The following ADH5 variants were observed in gnomAD, a reference collection of about 807,000 sequenced individuals.
The protein encoded by ADH5 is alcohol dehydrogenase class-3.
In ADH5, 32 loss-of-function variants were observed where a neutral mutation model predicts 40.3. The ratio of observed to expected loss-of-function variants is 0.79; its 90% CI spans 0.60 to 1.07. The LOEUF (loss-of-function observed/expected upper bound fraction) is 1.07. Among genes scored for constraint, ADH5 ranks in the 50% least tolerant of loss-of-function variants. ADH5 has a pLI of 0.00. For synonymous variants in ADH5, 125 were observed against 154.3 expected, an observed-to-expected ratio of 0.81 and a Z score of 1.41; for missense variants, 353 against 460.5, an observed-to-expected ratio of 0.77 and a Z score of 2.14.
At chr4:99,079,646 A>T (rs1010856855) in intron 4 of ADH5, among the ~76,000 whole-genome samples, 54 of 142,934 alleles carry the variant, frequency 3.8e-4, no homozygotes, top group African/African-American at 6.7e-4. Context: ...ACTTCAATTA[A>T]AAAAAAAAAC....
At position 99,072,507 on chromosome 4, in the gene ADH5, C is replaced by T. The variant is rs55919327; in HGVS notation, c.1100+66G>A. On this transcript the variant is annotated intron_variant, in intron 8 of 8. Coordinates refer to ENST00000296412, the MANE Select transcript of ADH5 (RefSeq NM_000671.4). ...TTAAGACAACTAAAATTGTGTTTTT[C>T]GACTCTCCATCCCCTCAAACTCAAC... is the stretch of plus-strand genomic sequence containing the variant. 3.5e-5 allele frequency: 56 copies of T among 1,608,720 alleles called. No individual in the cohort carries two copies. The East Asian group carries it at 6.9e-4, about 20-fold the overall frequency.
At position 99,076,357 on chromosome 4, in the gene ADH5, G is replaced by A. The variant is rs1223276357; in HGVS notation, c.760C>T (p.Leu254Phe). Residue 254 changes from leucine (L) to phenylalanine (F), a missense_variant, in exon 6 of 9, where the codon CTC becomes TTC. Physicochemically the swap from Leu to Phe is conservative, Grantham distance 22 (BLOSUM62 0). Transcript: ENST00000296412. The part of the protein sequence containing the change: ...QDFSKPIQEV[L>F]IEMTDGGVDY... ...ACTCCTCCATCGGTCATCTCAATGA[G>A]CACTTCCTGGATGGGTTTACTAAAA... 1.9e-6 allele frequency: 3 copies of A among 1,614,016 alleles called. No homozygotes were observed. Among genetic ancestry groups the A allele is most frequent in the Non-Finnish European group, 2.5e-6 (3 of 1,180,028 alleles).
At chr4:99,088,581 G>C in intron 1 of ADH5, 108 bp downstream of exon 1, 1 of 1,208,396 alleles carries the variant, frequency 8.3e-7, no homozygotes, top group Non-Finnish European at 1.1e-6. Flanking sequence ...CCAAGAGCCA[G>C]ATCCCGTCTT....
At chr4:99,077,190 C>A (rs1727946366) in intron 4 of ADH5, among the ~76,000 whole-genome samples, 1 of 152,102 alleles carries the variant, frequency 6.6e-6, no homozygotes, top group African/African-American at 2.4e-5. Flanking sequence ...TTAAAAGGTA[C>A]AACTTATGGA....
chr4:99,081,706 A>G lies in ADH5; in HGVS notation c.257-254T>C. 5.5e-6 allele frequency: 3 copies of G among 549,070 alleles called. No homozygotes were observed. The Admixed American group carries it at 9.9e-5, about 18-fold the overall frequency. The allele number at this position is 549,070 out of a possible 1,614,324, so 34.0% of individuals were successfully genotyped here. A position where few individuals can be genotyped will look rare whatever the true frequency, so the allele number is the denominator to read the frequency against. On this transcript the variant is annotated intron_variant, in intron 3 of 8. Coordinates refer to ENST00000296412, the MANE Select transcript of ADH5 (RefSeq NM_000671.4). ...GTTATATGCTTCAAAATCCTGCTTCATTGATGCATCTCTAAAAATTCTTGC... is the reference window on the plus strand; with the variant it reads ...GTTATATGCTTCAAAATCCTGCTTCGTTGATGCATCTCTAAAAATTCTTGC...
chr4:99,083,402 T>C, intron 2 of ADH5, among the ~76,000 whole-genome samples: 1 of 151,606 alleles, frequency 6.6e-6, no homozygotes, highest in Non-Finnish European at 1.5e-5. Flanking sequence ...TAGTTGGAGA[T>C]CAGCCTGGCC....
intron 7 of ADH5, among the ~76,000 whole-genome samples, chr4:99,074,657 A>G (rs1314742868): frequency 6.6e-6 from 1 of 151,244 alleles, no homozygotes; most frequent in Non-Finnish European, 1.5e-5. Flanking sequence ...CAGAATATTG[A>G]TATTTTTCTT....
At chr4:99,080,540 C>A in intron 4 of ADH5, 1 of 152,844 alleles carries the variant, frequency 6.5e-6, no homozygotes, top group Non-Finnish European at 1.5e-5. Context: ...AGGCAGACAC[C>A]CCTTGAGAGC....
rs1728036551 is a variant in ADH5, at chr4:99,082,088, T to C, written c.143A>G (p.Asp48Gly). 1 of 1,613,720 alleles carries C rather than the reference T, an allele frequency of 6.2e-7. No homozygotes were observed. The highest frequency in any genetic ancestry group is 8.5e-7 in the Non-Finnish European group (1 of 1,179,792). The change falls in exon 3 of 9, where the codon GAT becomes GGT. Residue 48 changes from aspartate (D) to glycine (G), a missense_variant. By Grantham distance (94) the Asp-to-Gly change is moderately conservative. Coordinates refer to ENST00000296412, the MANE Select transcript of ADH5 (RefSeq NM_000671.4). ...KIIATAVCHTDAYTLSGADPE... is the reference protein window; with the variant it reads ...KIIATAVCHTGAYTLSGADPE... ...ATCAGCTCCACTCAGGGTATAGGCA[T>C]CGGTGTGGCAAACCGCAGTGGCAAT...
chr4:99,081,233 C>A, intron 4 of ADH5, 132 bp downstream of exon 4: 1 of 670,698 alleles, frequency 1.5e-6, no homozygotes, highest in South Asian at 1.7e-5. Context: ...GGACTCAGTC[C>A]TTTGAACGTT....
chr4:99,072,274 G>A lies in ADH5; in HGVS notation c.*143C>T, dbSNP rs1727848434. The A allele has an allele frequency of 1.5e-6, 1 of 653,158 alleles. No individual in the cohort carries two copies. The highest frequency in any genetic ancestry group is 1.8e-5 in the African/African-American group (1 of 54,320). 40.5% of individuals were successfully genotyped at this position (653,158 alleles called of 1,614,324 possible). A position where few individuals can be genotyped will look rare whatever the true frequency, so the allele number is the denominator to read the frequency against. On this transcript the variant is annotated 3_prime_UTR_variant, in exon 9 of 9. Transcript: ENST00000296412. ...AATTATCCTTGTCCTTGATTATAGA[G>A]ATTCATGAATGACACACATAACCCT...
chr4:99,086,315 G>C (rs13109048), intron 1 of ADH5, among the ~76,000 whole-genome samples: 9,908 of 152,108 alleles, frequency 0.065, 432 homozygotes, highest in Non-Finnish European at 0.1. Flanking sequence ...AGAGATTATA[G>C]TCATGTATAC....
intron 4 of ADH5, among the ~76,000 whole-genome samples, chr4:99,078,504 T>G (rs757579858): frequency 1.3e-5 from 2 of 152,104 alleles, no homozygotes; most frequent in Non-Finnish European, 1.5e-5. Context: ...CCAGGGCTCG[T>G]GATCCTCCCA....
chr4:99,073,218 G>A (rs752514395), intron 7 of ADH5, among the ~76,000 whole-genome samples: 4 of 152,300 alleles, frequency 2.6e-5, no homozygotes, highest in South Asian at 2.1e-4. Flanking sequence ...TCGCTCTATC[G>A]CCTAGGCTGG....
chr4:99,076,565 A>T lies in ADH5; in HGVS notation c.565-13T>A, dbSNP rs749341990. 1.7e-5 allele frequency: 27 copies of T among 1,609,414 alleles called. No homozygotes were observed. In the East Asian group the frequency reaches 5.8e-4, roughly 35 times the overall value. On this transcript the variant is annotated splice_polypyrimidine_tract_variant and intron_variant, in intron 5 of 8. Transcript: ENST00000296412. The stretch of plus-strand genomic sequence containing the variant: ...AGCCAGGCTCCAACTAGGAGTAAAG[A>T]AAGTTTATAAAGTACTCATTCTACC...
chr4:99,083,778 A>T (rs983198971), intron 2 of ADH5, among the ~76,000 whole-genome samples: 4 of 152,118 alleles, frequency 2.6e-5, no homozygotes, highest in African/African-American at 9.7e-5. Flanking sequence ...CTCTCTTCCT[A>T]GAATGTTAAT....
chr4:99,083,626 A>G (rs1728071809), intron 2 of ADH5, among the ~76,000 whole-genome samples: 1 of 139,058 alleles, frequency 7.2e-6, no homozygotes, highest in Non-Finnish European at 1.6e-5. Context: ...AAAAAAAAAA[A>G]GATAAAAAGA....
intron 4 of ADH5, among the ~76,000 whole-genome samples, chr4:99,078,748 C>A (rs1727972969): frequency 6.6e-6 from 1 of 152,132 alleles, no homozygotes; most frequent in African/African-American, 2.4e-5. Flanking sequence ...GTTTGTTTAG[C>A]CTTCCTTAAT....
At chr4:99,081,287 C>A in intron 4 of ADH5, 78 bp downstream of exon 4, 1 of 900,538 alleles carries the variant, frequency 1.1e-6, no homozygotes, top group Admixed American at 2.2e-5. Flanking sequence ...ATAATTCCTC[C>A]TCAACCCCTC....
Sources: gnomAD v4.1 joint callset for allele counts (sites outside exome capture counted in the v4.1 genomes callset) on GRCh38, gnomAD v4.1.1 for gene constraint, MANE v1.5 for transcripts, NCBI Gene and HGNC (gene_info 2026-07-23, HGNC 2026-07-21) for gene names.